Variants in SPOCK1 observed in about 807,000 individuals in gnomAD.
SPOCK1 encodes testican-1.
Under a neutral mutation model 55.3 loss-of-function variants are expected in SPOCK1, and 23 were observed. The ratio of observed to expected loss-of-function variants is 0.42; its 90% CI spans 0.30 to 0.59. The LOEUF is 0.59. SPOCK1 is among the 20% of genes least tolerant of loss of function. SPOCK1 has a pLI of 0.22. For synonymous variants in SPOCK1, 226 were observed against 221.0 expected (o/e 1.02, Z -0.20); for missense variants, 499 against 552.5 (o/e 0.90, Z 0.97).
chr5:137,018,620 T>C (rs1751498186), intron 6 of SPOCK1, among the ~76,000 whole-genome samples: 2 of 152,136 alleles, frequency 1.3e-5, no homozygotes, highest in African/African-American at 2.4e-5. Context: ...AGTTAAAAAC[T>C]CTAGAAGAAT....
intron 5 of SPOCK1, among the ~76,000 whole-genome samples, chr5:137,110,812 C>G (rs1753452626): frequency 6.6e-6 from 1 of 152,158 alleles, no homozygotes; most frequent in East Asian, 1.9e-4. Flanking sequence ...GCACCTAGCA[C>G]AGTGCCTGGC....
rs534856993 is a variant in SPOCK1 at position 137,246,886 on chromosome 5, G to A, written c.232+20124C>T. On this transcript the variant is annotated intron_variant, in intron 3 of 10. Coordinates refer to ENST00000394945, the MANE Select transcript of SPOCK1 (RefSeq NM_004598.4). ...CATGCCTGGAGCTTCTGCTACACTGGTTCTTCAGGTAGGTCTTTAGATTAC... is the reference window on the plus strand; with the variant it reads ...CATGCCTGGAGCTTCTGCTACACTGATTCTTCAGGTAGGTCTTTAGATTAC... 5.9e-5 allele frequency among the ~76,000 whole-genome samples: 9 copies of A among 152,290 alleles called. No individual in the cohort carries two copies. The East Asian group carries it at 1.7e-3, about 29-fold the overall frequency.
At chr5:137,498,889 C>G (rs1477854766) in intron 1 of SPOCK1, among the ~76,000 whole-genome samples, 1 of 120,902 alleles carries the variant, frequency 8.3e-6, no homozygotes, top group African/African-American at 3.2e-5. Context: ...GAGCCCGGGT[C>G]CGCACGCCGC....
Position 137,076,456 on chromosome 5 carries a change from C to A in SPOCK1, c.475-8627G>T, listed in dbSNP as rs115745441. 4.6e-3 allele frequency among the ~76,000 whole-genome samples: 707 copies of A among 152,180 alleles called. 5 individuals are homozygous for A. Among genetic ancestry groups the A allele is most frequent in the African/African-American group, 0.016 (679 of 41,542 alleles). On this transcript the variant is annotated intron_variant, in intron 5 of 10. Coordinates refer to ENST00000394945, the MANE Select transcript of SPOCK1 (RefSeq NM_004598.4). ...TTGAAAGTGCATTTAATATGTCTAACCAACAAACATCATAGCTTAGCCTAG... is the reference window on the plus strand; with the variant it reads ...TTGAAAGTGCATTTAATATGTCTAAACAACAAACATCATAGCTTAGCCTAG...
intron 2 of SPOCK1, among the ~76,000 whole-genome samples, chr5:137,421,442 C>G (rs1006441513): frequency 2.0e-5 from 3 of 152,192 alleles, no homozygotes; most frequent in Admixed American, 6.5e-5. Flanking sequence ...AAGTCTCTTT[C>G]TAGGTCTCTA....
chr5:137,124,280 C>T (rs1453503757), intron 4 of SPOCK1, among the ~76,000 whole-genome samples: 1 of 152,144 alleles, frequency 6.6e-6, no homozygotes. Flanking sequence ...GGCCTGAGCC[C>T]CTCTCAGGGT....
intron 3 of SPOCK1, among the ~76,000 whole-genome samples, chr5:137,191,908 T>C (rs1034300290): frequency 2.0e-5 from 3 of 151,772 alleles, no homozygotes; most frequent in African/African-American, 7.3e-5. Flanking sequence ...AGGAAACAAA[T>C]AATGAAAAAG....
chr5:137,246,853 A>G (rs1756403839), intron 3 of SPOCK1, among the ~76,000 whole-genome samples: 1 of 152,198 alleles, frequency 6.6e-6, no homozygotes. Flanking sequence ...GACAGCTGCA[A>G]TGAGTCACAT....
intron 3 of SPOCK1, among the ~76,000 whole-genome samples, chr5:137,141,498 T>C (rs2127052113): frequency 6.6e-6 from 1 of 152,350 alleles, no homozygotes; most frequent in South Asian, 2.1e-4. Context: ...AAGACAGTTT[T>C]GTGCCGCACA....
At chr5:137,250,690 G>A (rs1157641486) in intron 3 of SPOCK1, among the ~76,000 whole-genome samples, 1 of 152,156 alleles carries the variant, frequency 6.6e-6, no homozygotes, top group African/African-American at 2.4e-5. Context: ...TCAGTATTCA[G>A]GAACAGGCTG....
chr5:137,338,839 A>G (rs1253325215), intron 2 of SPOCK1, among the ~76,000 whole-genome samples: 1 of 152,062 alleles, frequency 6.6e-6, no homozygotes, highest in African/African-American at 2.4e-5. Flanking sequence ...GTCTGTTCAT[A>G]TCCTTCGCCC....
chr5:137,007,787 G>A (rs1400586395), intron 6 of SPOCK1, among the ~76,000 whole-genome samples: 1 of 152,140 alleles, frequency 6.6e-6, no homozygotes, highest in Middle Eastern at 3.2e-3. Context: ...TCTCATTACT[G>A]AGTATATACC....
At chr5:137,122,491 T>G (rs1268191933) in intron 4 of SPOCK1, among the ~76,000 whole-genome samples, 6 of 152,240 alleles carry the variant, frequency 3.9e-5, no homozygotes, top group Non-Finnish European at 1.5e-5. Flanking sequence ...CCACTGACCT[T>G]TGGCATTTTG....
intron 3 of SPOCK1, among the ~76,000 whole-genome samples, chr5:137,151,456 G>A (rs1754317733): frequency 6.6e-6 from 1 of 152,150 alleles, no homozygotes; most frequent in Non-Finnish European, 1.5e-5. Context: ...GGAGCTCTTT[G>A]GTAGAAAAGT....
chr5:137,201,246 G>C (rs888794456), intron 3 of SPOCK1, among the ~76,000 whole-genome samples: 8 of 152,162 alleles, frequency 5.3e-5, no homozygotes, highest in Non-Finnish European at 1.2e-4. Context: ...CCATCTAGGG[G>C]CTCCATGGAT....
At chr5:137,228,012 A>G (rs4976346) in intron 3 of SPOCK1, among the ~76,000 whole-genome samples, 131,091 of 152,294 alleles carry the variant, frequency 0.86, 56,499 homozygotes, top group African/African-American at 0.91. Context: ...AATATGCAAC[A>G]ATGAGTAAAC....
chr5:137,197,545 G>T (rs967981374), intron 3 of SPOCK1, among the ~76,000 whole-genome samples: 5 of 152,158 alleles, frequency 3.3e-5, no homozygotes, highest in Non-Finnish European at 7.3e-5. Context: ...CCTGCCACAG[G>T]AAATTCAAAT....
chr5:137,312,367 C>T (rs1757803074), intron 2 of SPOCK1, among the ~76,000 whole-genome samples: 1 of 152,062 alleles, frequency 6.6e-6, no homozygotes, highest in Non-Finnish European at 1.5e-5. Context: ...TGATCTCATC[C>T]CCACAGCACT....
intron 2 of SPOCK1, among the ~76,000 whole-genome samples, chr5:137,454,732 G>T (rs188484897): frequency 6.6e-6 from 1 of 152,228 alleles, no homozygotes; most frequent in African/African-American, 2.4e-5. Flanking sequence ...TTTTGTTTTG[G>T]CAAAGGACAA....
Sources: allele counts gnomAD v4.1 joint callset (sites outside exome capture counted in the v4.1 genomes callset), GRCh38; gene constraint gnomAD v4.1.1; transcripts MANE v1.5; gene names NCBI Gene and HGNC (gene_info 2026-07-23, HGNC 2026-07-21).